PARD3B: variants seen among roughly 807,000 people sequenced by gnomAD.
PARD3B encodes partitioning defective 3 homolog B.
Under a neutral mutation model 130.2 loss-of-function variants are expected in PARD3B, and 103 were observed. The observed-to-expected ratio is 0.79, with a 90% CI of 0.67 to 0.93. The LOEUF (loss-of-function observed/expected upper bound fraction) is 0.93. Ranked by LOEUF, PARD3B falls within the 40% of genes least tolerant of loss-of-function variation. The pLI, the probability that PARD3B is intolerant of heterozygous loss-of-function variation, is 0.00. For missense variants in PARD3B, 1,609 were observed against 1,499.2 expected (o/e 1.07, Z -1.21); for synonymous variants, 583 against 553.2 (o/e 1.05, Z -0.76).
intron 2 of PARD3B, among the ~76,000 whole-genome samples, chr2:204,698,060 C>A (rs191704880): frequency 1.3e-5 from 2 of 152,164 alleles, no homozygotes; most frequent in East Asian, 3.9e-4. Context: ...AGGAACATGG[C>A]GTCAGAGCCA....
intron 2 of PARD3B, among the ~76,000 whole-genome samples, chr2:204,874,782 A>G (rs931059776): frequency 6.6e-6 from 1 of 152,156 alleles, no homozygotes; most frequent in African/African-American, 2.4e-5. Flanking sequence ...TCTGATTTCT[A>G]TAATATCACC....
chr2:205,356,749 G>A (rs1246941356), intron 18 of PARD3B, among the ~76,000 whole-genome samples: 1 of 151,962 alleles, frequency 6.6e-6, no homozygotes, highest in Non-Finnish European at 1.5e-5. Context: ...AAATTAGTCG[G>A]GTGTGGTAGC....
At chr2:205,498,368 G>T (rs370313846) in intron 20 of PARD3B, among the ~76,000 whole-genome samples, 9 of 151,948 alleles carry the variant, frequency 5.9e-5, no homozygotes, top group African/African-American at 2.2e-4. Context: ...CAGGTGTGGT[G>T]GTATGCACCT....
At chr2:204,837,387 T>C (rs1037753633) in intron 2 of PARD3B, among the ~76,000 whole-genome samples, 7 of 152,024 alleles carry the variant, frequency 4.6e-5, no homozygotes, top group Admixed American at 1.3e-4. Context: ...AGATTTTAAG[T>C]GTTTGGATTT....
chr2:205,270,805 A>C (rs2040694492), intron 16 of PARD3B, among the ~76,000 whole-genome samples: 2 of 152,036 alleles, frequency 1.3e-5, no homozygotes. Context: ...GGGAGGGAAA[A>C]GAGCGTGCCA....
intron 18 of PARD3B, among the ~76,000 whole-genome samples, chr2:205,345,908 C>T (rs111726164): frequency 2.6e-5 from 2 of 76,834 alleles, no homozygotes; most frequent in South Asian, 6.9e-4. Context: ...TGGTGGCTCA[C>T]GCCTGTAATC....
At chr2:204,748,772 G>A (rs2125382016) in intron 2 of PARD3B, among the ~76,000 whole-genome samples, 1 of 152,064 alleles carries the variant, frequency 6.6e-6, no homozygotes, top group African/African-American at 2.4e-5. Flanking sequence ...GTACAAATAG[G>A]AAATAAAATG....
rs141886725 is a variant in PARD3B, at chr2:205,429,224, C to T, written c.2742-11146C>T. Among the ~76,000 whole-genome samples, 1,328 of 152,224 alleles carry T rather than the reference C, an allele frequency of 8.7e-3. 17 individuals are homozygous for T. Among genetic ancestry groups the T allele is most frequent in the Middle Eastern group, 0.051 (15 of 294 alleles). ...TAATTATGTTCACAATCCCGTATTCCCCCAAAAATGTTCCTAACTACTCGT... is the reference window on the plus strand; with the variant it reads ...TAATTATGTTCACAATCCCGTATTCTCCCAAAAATGTTCCTAACTACTCGT... On this transcript the variant is annotated intron_variant, in intron 19 of 22. Transcript: ENST00000406610.
At chr2:204,843,106 C>T (rs2044317710) in intron 2 of PARD3B, among the ~76,000 whole-genome samples, 1 of 151,980 alleles carries the variant, frequency 6.6e-6, no homozygotes, top group Non-Finnish European at 1.5e-5. Flanking sequence ...TGACAGGTTC[C>T]TAGGTGAAGG....
At chr2:204,701,831 T>A (rs184151101) in intron 2 of PARD3B, among the ~76,000 whole-genome samples, 18 of 152,236 alleles carry the variant, frequency 1.2e-4, no homozygotes, top group African/African-American at 3.6e-4. Context: ...GTACCAGTGA[T>A]CCTGTCATCC....
chr2:204,883,687 G>A (rs754034097), intron 2 of PARD3B, among the ~76,000 whole-genome samples: 7 of 150,876 alleles, frequency 4.6e-5, no homozygotes, highest in East Asian at 2.0e-4. Flanking sequence ...CTTGTGATCC[G>A]CCCACCTTGG....
rs1209610566 is a variant in PARD3B at position 205,572,052 on chromosome 2, A to G, written c.3260+18649A>G. ...GGAGTTATTTTGTTTATTGTTCTGA[A>G]GTTCTATGAGCATGAAGGTAGAGAG... On this transcript the variant is annotated intron_variant, in intron 22 of 22. Coordinates refer to ENST00000406610, the MANE Select transcript of PARD3B (RefSeq NM_001302769.2). The surrounding 1 kb of genome is among the most constrained non-coding windows in gnomAD (Gnocchi z 4.2). Among the ~76,000 whole-genome samples, 1 of 152,168 alleles carries G rather than the reference A, an allele frequency of 6.6e-6. No individual in the cohort carries two copies. Among genetic ancestry groups the G allele is most frequent in the Non-Finnish European group, 1.5e-5 (1 of 68,036 alleles).
rs148988677 is a variant in PARD3B at position 205,361,901 on chromosome 2, G to A, written c.2631-39112G>A. Among the ~76,000 whole-genome samples the A allele has an allele frequency of 4.6e-3, 703 of 152,092 alleles. 3 individuals carry two copies. The highest frequency in any genetic ancestry group is 0.016 in the African/African-American group (670 of 41,454). ...CCACTCATCTTCTCCACCCCCAGGC[G>A]TGGAGCCAATCTTCTTATATCTTAA... is the stretch of plus-strand genomic sequence containing the variant. On this transcript the variant is annotated intron_variant, in intron 18 of 22. Transcript: ENST00000406610.
At chr2:205,522,100 A>ATATATTTAATAATTATTTTTT (rs1471913268) in intron 21 of PARD3B, among the ~76,000 whole-genome samples, 1 of 151,590 alleles carries the variant, frequency 6.6e-6, no homozygotes, top group African/African-American at 2.4e-5. Flanking sequence ...TTACCAAATA[A>ATATATTTAATAATTATTTTTT]TATATTTAAT....
chr2:205,344,906 A>G (rs558333480), intron 18 of PARD3B, among the ~76,000 whole-genome samples: 2 of 152,266 alleles, frequency 1.3e-5, no homozygotes, highest in African/African-American at 4.8e-5. Context: ...GTAACGAGGA[A>G]TTTTATCTTT....
At chr2:205,413,660 G>T (rs1447217148) in intron 19 of PARD3B, among the ~76,000 whole-genome samples, 1 of 152,182 alleles carries the variant, frequency 6.6e-6, no homozygotes, top group Non-Finnish European at 1.5e-5. Flanking sequence ...CAGTAGGACA[G>T]TGGAAATGAA....
chr2:205,185,141 GTA>G (rs1401315839), intron 13 of PARD3B, among the ~76,000 whole-genome samples: 1 of 152,118 alleles, frequency 6.6e-6, no homozygotes, highest in African/African-American at 2.4e-5. Context: ...AACTGGAAAA[GTA>G]TACATTTTTA....
intron 18 of PARD3B, among the ~76,000 whole-genome samples, chr2:205,327,172 G>T (rs1273216508): frequency 2.0e-5 from 3 of 152,130 alleles, no homozygotes; most frequent in African/African-American, 7.2e-5. Flanking sequence ...TAATGGAAAG[G>T]TTTAGCAATT....
rs1277405627 is a variant in PARD3B at position 205,550,126 on chromosome 2, T to C, written c.3181-3198T>C. ...ATATGCCTCCATGGTTTTTCACTTT[T>C]GTGCTCTTTACTTGAATGGCTTATC... On this transcript the variant is annotated intron_variant, in intron 21 of 22. Transcript: ENST00000406610. The surrounding 1 kb of genome is among the most constrained non-coding windows in gnomAD (Gnocchi z 4.5). 2.0e-5 allele frequency among the ~76,000 whole-genome samples: 3 copies of C among 152,174 alleles called. No homozygotes were observed. Among genetic ancestry groups the C allele is most frequent in the Non-Finnish European group, 4.4e-5 (3 of 68,022 alleles).
Sources: allele counts gnomAD v4.1 joint callset (sites outside exome capture counted in the v4.1 genomes callset), GRCh38; gene constraint gnomAD v4.1.1; non-coding constraint Gnocchi (gnomAD v3.1); transcripts MANE v1.5; gene names NCBI Gene and HGNC (gene_info 2026-07-23, HGNC 2026-07-21).